DOCK2: variants seen among roughly 807,000 people sequenced by gnomAD.
DOCK2 encodes the protein dedicator of cytokinesis 2.
In DOCK2, 87 loss-of-function variants were observed where a neutral mutation model predicts 248.9. That is an observed-to-expected ratio of 0.35 (90% confidence interval 0.29 to 0.42). The LOEUF (loss-of-function observed/expected upper bound fraction) is 0.42, where lower values mean the gene tolerates loss of function less well. Among genes scored for constraint, DOCK2 ranks in the 10% least tolerant of loss-of-function variants. The pLI, the probability that DOCK2 is intolerant of heterozygous loss-of-function variation, is 1.00. For synonymous variants in DOCK2, 805 were observed against 821.6 expected, an observed-to-expected ratio of 0.98 and a Z score of 0.35; for missense variants, 1,747 against 2,300.2, an observed-to-expected ratio of 0.76 and a Z score of 4.92.
At chr5:169,905,308 C>A (rs1020801473) in intron 27 of DOCK2, among the ~76,000 whole-genome samples, 2 of 109,460 alleles carry the variant, frequency 1.8e-5, no homozygotes, top group African/African-American at 7.0e-5. Context: ...TTTTTTTTTT[C>A]AGGAGAAGCC....
At chr5:170,028,361 A>T (rs1329744140) in intron 34 of DOCK2, 1 of 155,818 alleles carries the variant, frequency 6.4e-6, no homozygotes, top group African/African-American at 2.4e-5. Context: ...TCCTTTAATC[A>T]CACTTACTCC....
At chr5:169,903,589 C>T (rs1320368496) in intron 27 of DOCK2, among the ~76,000 whole-genome samples, 3 of 151,978 alleles carry the variant, frequency 2.0e-5, no homozygotes, top group Non-Finnish European at 2.9e-5. Context: ...GAAGTCACTT[C>T]AGGACACAGT....
In DOCK2 at chr5:170,054,764, C is replaced by G. The variant is rs569075745; in HGVS notation, c.4214-541C>G. On this transcript the variant is annotated intron_variant, in intron 41 of 51. Transcript: ENST00000520908. ...AACAAACTTACGGGTAATGCTGACACTACTGGTCAAAGGGCCGCCTTTGAG... is the reference window on the plus strand; with the variant it reads ...AACAAACTTACGGGTAATGCTGACAGTACTGGTCAAAGGGCCGCCTTTGAG... 1.2e-3 allele frequency among the ~76,000 whole-genome samples: 179 copies of G among 152,348 alleles called. 1 individual carries two copies. The South Asian group carries it at 0.014, about 12-fold the overall frequency.
At chr5:169,965,741 CTT>C (rs1304468552) in intron 27 of DOCK2, among the ~76,000 whole-genome samples, 1 of 152,170 alleles carries the variant, frequency 6.6e-6, no homozygotes, top group Non-Finnish European at 1.5e-5. Context: ...CAATTATAGA[CTT>C]TCAGAATTTG....
intron 15 of DOCK2, among the ~76,000 whole-genome samples, chr5:169,710,676 A>G (rs1334817099): frequency 6.6e-6 from 1 of 152,230 alleles, no homozygotes; most frequent in Non-Finnish European, 1.5e-5. Flanking sequence ...CAAGATGCAC[A>G]CTTGACTTCC....
At position 170,018,956 on chromosome 5, in the gene DOCK2, T is replaced by G; in HGVS notation, c.3233-4T>G. 1 of 1,613,820 alleles carries G rather than the reference T, an allele frequency of 6.2e-7. No individual in the cohort carries two copies. The highest frequency in any genetic ancestry group is 8.5e-7 in the Non-Finnish European group (1 of 1,179,764). On this transcript the variant is annotated splice_polypyrimidine_tract_variant and splice_region_variant and intron_variant, in intron 32 of 51. Transcript: ENST00000520908. Reference sequence around the variant, plus strand: ...TATGTGTTCATGTTCCTCTTCTCTTTCAGGTCAGAACAAAATCTGCTTCAT... The same window carrying G: ...TATGTGTTCATGTTCCTCTTCTCTTGCAGGTCAGAACAAAATCTGCTTCAT...
intron 27 of DOCK2, among the ~76,000 whole-genome samples, chr5:169,861,748 T>C (rs535494716): frequency 1.4e-4 from 21 of 152,214 alleles, no homozygotes; most frequent in Non-Finnish European, 2.5e-4. Context: ...ATCAGGAAAA[T>C]GTTTATGGAA....
In DOCK2 at chr5:170,050,386, C is replaced by A; in HGVS notation, c.4202C>A (p.Ala1401Asp). Residue 1401 changes from alanine (A) to aspartate (D), a missense_variant, in exon 41 of 52, where the codon GCC (alanine) becomes GAC (aspartate). Coordinates refer to ENST00000520908, the MANE Select transcript of DOCK2 (RefSeq NM_004946.3). ...GCCCCGGGAGATGATGTGAAGAATG[C>A]CCCAGGCCAGTGTATCCTTGGAGAA... ...TSAPGDDVKN[A>D]PGQYIQCFTV... is the part of the protein sequence containing the mutation. The A allele has an allele frequency of 6.2e-7, 1 of 1,613,916 alleles. No homozygotes were observed. The highest frequency in any genetic ancestry group is 8.5e-7 in the Non-Finnish European group (1 of 1,179,852).
chr5:170,025,784 T>TTTCC (rs1755883860), intron 33 of DOCK2, among the ~76,000 whole-genome samples: 2 of 37,542 alleles, frequency 5.3e-5, no homozygotes, highest in East Asian at 1.7e-3. Flanking sequence ...CCCTCCCTCC[T>TTTCC]TCCCTCCCTT....
chr5:169,936,759 T>G (rs1328001813), intron 27 of DOCK2, among the ~76,000 whole-genome samples: 1 of 152,078 alleles, frequency 6.6e-6, no homozygotes, highest in Non-Finnish European at 1.5e-5. Flanking sequence ...TCATGAATAA[T>G]CTCTGATCAG....
At chr5:169,883,884 A>G (rs1179131190) in intron 27 of DOCK2, 1 of 1,505,192 alleles carries the variant, frequency 6.6e-7, no homozygotes, top group African/African-American at 1.4e-5. Context: ...TCACTTTCAT[A>G]TTTTGCTGGG....
chr5:169,798,151 CTG>C (rs1434800768), intron 25 of DOCK2, among the ~76,000 whole-genome samples: 1 of 152,218 alleles, frequency 6.6e-6, no homozygotes, highest in African/African-American at 2.4e-5. Context: ...CCTCAGTACT[CTG>C]TGAGCAAGGC....
chr5:170,080,140 G>T, intron 49 of DOCK2, 23 bp from the exon 50 acceptor site: 1 of 1,613,804 alleles, frequency 6.2e-7, no homozygotes, highest in Non-Finnish European at 8.5e-7. Context: ...GTGTGTGTGT[G>T]TGTGTCTGGT....
intron 25 of DOCK2, among the ~76,000 whole-genome samples, chr5:169,768,815 C>A (rs2546800): frequency 1.3e-5 from 2 of 152,310 alleles, no homozygotes; most frequent in Non-Finnish European, 2.9e-5. Context: ...ACCTTACATG[C>A]CCTTGCAAAA....
chr5:169,924,069 G>A (rs1341785648), intron 27 of DOCK2, among the ~76,000 whole-genome samples: 2 of 152,156 alleles, frequency 1.3e-5, no homozygotes, highest in African/African-American at 4.8e-5. Context: ...GTCTCCTCCT[G>A]CCACCCTCTT....
intron 25 of DOCK2, among the ~76,000 whole-genome samples, chr5:169,794,602 G>C (rs539149963): frequency 6.6e-6 from 1 of 152,202 alleles, no homozygotes; most frequent in South Asian, 2.1e-4. Context: ...GACTTTTTGG[G>C]ATACAAACAT....
At chr5:170,073,474 A>G (rs1460742875) in intron 46 of DOCK2, among the ~76,000 whole-genome samples, 2 of 152,200 alleles carry the variant, frequency 1.3e-5, no homozygotes, top group African/African-American at 4.8e-5. Context: ...GCCAATGTTT[A>G]CACACTCCTC....
chr5:169,655,851 G>A (rs1466379907), intron 2 of DOCK2, among the ~76,000 whole-genome samples: 4 of 152,216 alleles, frequency 2.6e-5, no homozygotes, highest in African/African-American at 7.2e-5. Context: ...GGGGTCATGG[G>A]GGAAATGAGA....
chr5:169,971,845 A>G (rs181927171), intron 27 of DOCK2, among the ~76,000 whole-genome samples: 2 of 152,302 alleles, frequency 1.3e-5, no homozygotes, highest in Admixed American at 1.3e-4. Context: ...TCTCGTAGTT[A>G]CCCATGAACT....
Sources: allele counts gnomAD v4.1 joint callset (sites outside exome capture counted in the v4.1 genomes callset), GRCh38; gene constraint gnomAD v4.1.1; transcripts MANE v1.5; gene names NCBI Gene and HGNC (gene_info 2026-07-23, HGNC 2026-07-21).